SPECC1: variants seen among roughly 807,000 people sequenced by gnomAD.
The protein encoded by SPECC1 is cytospin-B.
A neutral mutation model predicts 104.1 loss-of-function variants in SPECC1; 62 were observed. That is an observed-to-expected ratio of 0.60 (90% CI 0.49 to 0.74). The LOEUF (loss-of-function observed/expected upper bound fraction) is 0.74. Ranked by LOEUF, SPECC1 falls within the 30% of genes least tolerant of loss-of-function variation. The pLI, the probability that SPECC1 is intolerant of heterozygous loss-of-function variation, is 0.00. For synonymous variants in SPECC1, 513 were observed against 501.6 expected, an observed-to-expected ratio of 1.02 and a Z score of -0.30; for missense variants, 1,306 against 1,310.5, an observed-to-expected ratio of 1.00 and a Z score of 0.05.
intron 1 of SPECC1, among the ~76,000 whole-genome samples, chr17:20,038,157 C>T (rs914904730): frequency 3.3e-5 from 5 of 151,708 alleles, no homozygotes; most frequent in South Asian, 4.2e-4. Context: ...ATTAATCTTT[C>T]GAAGAATCAG....
intron 1 of SPECC1, among the ~76,000 whole-genome samples, chr17:20,052,607 T>TA (rs1476554727): frequency 1.3e-5 from 2 of 152,204 alleles, no homozygotes; most frequent in Admixed American, 6.5e-5. Context: ...ATCTCCAAGA[T>TA]ACCAAGTCTG....
At position 20,009,698 on chromosome 17, in the gene SPECC1, G is replaced by GC. The variant is rs2043865852; in HGVS notation, c.-22+276dup. On this transcript the variant is annotated intron_variant, in intron 1 of 14. Transcript: ENST00000395527. The surrounding 1 kb of genome is among the most constrained non-coding windows in gnomAD (Gnocchi z 5.2). The stretch of plus-strand genomic sequence containing the variant: ...CCGCAGGTGGCAGCGGCAGGTGGCC[G>GC]CCTCCTCCCCTCCGGGCCCGAGGGT... 6.6e-6 allele frequency among the ~76,000 whole-genome samples: 1 copy of GC among 152,076 alleles called. No individual in the cohort carries two copies. Among genetic ancestry groups the GC allele is most frequent in the African/African-American group, 2.4e-5 (1 of 41,438 alleles).
intron 8 of SPECC1, 52 bp from the exon 9 acceptor site, chr17:20,247,167 G>T (rs2039455174): frequency 1.4e-6 from 2 of 1,407,598 alleles, no homozygotes; most frequent in African/African-American, 1.4e-5. Context: ...ACAAGTATAT[G>T]CTATTTTGAA....
rs1372162791 is a variant in SPECC1, at chr17:20,318,119, T to C, written c.*4054T>C. ...TCCATCTTCCCTCAGCCAGTAGTCA[T>C]TTAAAATTCTTCAGTTGTTCTGAAG... On this transcript the variant is annotated 3_prime_UTR_variant, in exon 15 of 15. Transcript: ENST00000395527. 1 of 231,184 alleles carries C rather than the reference T, an allele frequency of 4.3e-6. No individual in the cohort carries two copies. The highest frequency in any genetic ancestry group is 6.1e-5 in the East Asian group (1 of 16,312). The allele number at this position is 231,184 out of a possible 1,614,324, so 14.3% of individuals were successfully genotyped here.
chr17:20,314,136 C>A lies in SPECC1; in HGVS notation c.*71C>A. Reference sequence around the variant, plus strand: ...TTCCTGGAAGCGCCTGATTACTGTCCACTGACCCTGCTCTGCCCACCACCC... The same window carrying A: ...TTCCTGGAAGCGCCTGATTACTGTCAACTGACCCTGCTCTGCCCACCACCC... On this transcript the variant is annotated 3_prime_UTR_variant, in exon 15 of 15. Transcript: ENST00000395527. 7.5e-7 allele frequency: 1 copy of A among 1,338,918 alleles called. No homozygotes were observed. 82.9% of individuals were successfully genotyped at this position (1,338,918 alleles called of 1,614,324 possible). A position where few individuals can be genotyped will look rare whatever the true frequency, so the allele number is the denominator to read the frequency against.
At chr17:20,160,051 G>A (rs1346699932) in intron 3 of SPECC1, among the ~76,000 whole-genome samples, 1 of 152,122 alleles carries the variant, frequency 6.6e-6, no homozygotes, top group African/African-American at 2.4e-5. Flanking sequence ...CCCAGTACCA[G>A]CTTATTATTT....
chr17:20,168,009 C>T (rs989986506), intron 3 of SPECC1, among the ~76,000 whole-genome samples: 4 of 151,952 alleles, frequency 2.6e-5, no homozygotes, highest in Admixed American at 6.6e-5. Context: ...CAGCTGAATG[C>T]AAATATAGCC....
At chr17:20,117,635 A>C (rs1352722639) in intron 3 of SPECC1, among the ~76,000 whole-genome samples, 1 of 151,164 alleles carries the variant, frequency 6.6e-6, no homozygotes, top group Non-Finnish European at 1.5e-5. Context: ...AAAATAAATA[A>C]ATAAAAATTA....
intron 14 of SPECC1, among the ~76,000 whole-genome samples, chr17:20,306,988 AG>A (rs2041786638): frequency 1.3e-5 from 2 of 152,238 alleles, no homozygotes; most frequent in Non-Finnish European, 2.9e-5. Flanking sequence ...CCACAAGGAA[AG>A]AATGATTCTA....
At chr17:20,275,449 C>T (rs2040545323) in intron 12 of SPECC1, among the ~76,000 whole-genome samples, 2 of 152,104 alleles carry the variant, frequency 1.3e-5, no homozygotes, top group Admixed American at 1.3e-4. Flanking sequence ...TATTTTACCA[C>T]CTTCTGTAGT....
chr17:20,232,497 G>T (rs979470151), intron 7 of SPECC1, 92 bp downstream of exon 7: 6 of 1,389,954 alleles, frequency 4.3e-6, no homozygotes, highest in Admixed American at 4.6e-5. Context: ...GTCTGTGCCA[G>T]GTTCTGCTAT....
At chr17:20,046,095 AT>A (rs919568775) in intron 1 of SPECC1, among the ~76,000 whole-genome samples, 2 of 150,794 alleles carry the variant, frequency 1.3e-5, no homozygotes, top group African/African-American at 4.9e-5. Context: ...CGCTTTGAGA[AT>A]TCTTTTTTAA....
chr17:20,252,574 T>G (rs2039672634), intron 9 of SPECC1, among the ~76,000 whole-genome samples: 1 of 152,186 alleles, frequency 6.6e-6, no homozygotes, highest in Non-Finnish European at 1.5e-5. Context: ...GCTTCTGTGA[T>G]TTTGACTACT....
intron 12 of SPECC1, among the ~76,000 whole-genome samples, chr17:20,278,253 A>G (rs12603372): frequency 0.43 from 65,728 of 152,012 alleles, 14,795 homozygotes; most frequent in East Asian, 0.8. Context: ...GAGTGTTTTG[A>G]TTGCCAACAA....
intron 3 of SPECC1, among the ~76,000 whole-genome samples, chr17:20,132,054 C>T (rs1335061733): frequency 1.3e-5 from 2 of 152,030 alleles, no homozygotes; most frequent in East Asian, 3.9e-4. Context: ...TCCAGTTTTT[C>T]TAAGATTTTT....
At chr17:20,173,240 G>A (rs1421694617) in intron 3 of SPECC1, among the ~76,000 whole-genome samples, 3 of 152,216 alleles carry the variant, frequency 2.0e-5, no homozygotes, top group African/African-American at 7.2e-5. Flanking sequence ...AATGCAGACT[G>A]TTAGCTGACC....
In SPECC1 at chr17:20,123,550, CTGACATGAGG is replaced by C. The variant is rs879692400; in HGVS notation, c.283+12989_283+12998del. On this transcript the variant is annotated intron_variant, in intron 3 of 14. Coordinates refer to ENST00000395527, the MANE Select transcript of SPECC1 (RefSeq NM_001243439.2). ...TGAGGAGGGAATAACTCTGTCCTCT[CTGACATGAGG>C]AGGGGAACTCGTCTAACATGGAAGG... Among the ~76,000 whole-genome samples the C allele has an allele frequency of 4.8e-3, 731 of 152,346 alleles. 3 individuals are homozygous for C. The highest frequency in any genetic ancestry group is 0.013 in the African/African-American group (531 of 41,572).
At chr17:20,091,749 T>A (rs1335535641) in intron 1 of SPECC1, among the ~76,000 whole-genome samples, 1 of 152,178 alleles carries the variant, frequency 6.6e-6, no homozygotes, top group Non-Finnish European at 1.5e-5. Context: ...CAGACTTGAA[T>A]GGTTTGGCCT....
chr17:20,046,423 T>C (rs147512755), intron 1 of SPECC1, among the ~76,000 whole-genome samples: 191 of 152,304 alleles, frequency 1.3e-3, no homozygotes, highest in African/African-American at 3.6e-3. Flanking sequence ...AGTTCATTCA[T>C]TGATAACATT....
Sources: allele counts gnomAD v4.1 joint callset (sites outside exome capture counted in the v4.1 genomes callset), GRCh38; gene constraint gnomAD v4.1.1; non-coding constraint Gnocchi (gnomAD v3.1); transcripts MANE v1.5; gene names NCBI Gene and HGNC (gene_info 2026-07-23, HGNC 2026-07-21).